The following TINAG variants were observed in gnomAD, a reference collection of about 807,000 sequenced individuals.
The protein encoded by TINAG is tubulointerstitial nephritis antigen.
TINAG carries 83 observed loss-of-function variants against 72.7 expected under a neutral mutation model. The observed-to-expected ratio is 1.14, with a 90% confidence interval of 0.96 to 1.37. The LOEUF (loss-of-function observed/expected upper bound fraction) is 1.37, where lower values mean the gene tolerates loss of function less well. Among genes scored for constraint, TINAG ranks in the 40% most tolerant of loss-of-function variants. The probability of loss-of-function intolerance (pLI) is 0.00; values close to 1 mark genes in which losing one functional copy is unlikely to be tolerated. For synonymous variants in TINAG, 234 were observed against 189.9 expected (o/e 1.23, Z -1.91); for missense variants, 685 against 576.6 (o/e 1.19, Z -1.93).
chr6:54,364,702 T>C (rs1763351838), intron 9 of TINAG, among the ~76,000 whole-genome samples: 1 of 151,418 alleles, frequency 6.6e-6, no homozygotes, highest in Non-Finnish European at 1.5e-5. Flanking sequence ...TTAAAAGCCA[T>C]AGTTTTCTAT....
intron 1 of TINAG, among the ~76,000 whole-genome samples, chr6:54,317,360 T>A (rs976874282): frequency 6.6e-6 from 1 of 152,148 alleles, no homozygotes; most frequent in African/African-American, 2.4e-5. Flanking sequence ...TCACCTGTCA[T>A]GGGAGGGACC....
At chr6:54,309,488 T>C (rs1784189326) in intron 1 of TINAG, among the ~76,000 whole-genome samples, 1 of 152,200 alleles carries the variant, frequency 6.6e-6, no homozygotes, top group Non-Finnish European at 1.5e-5. Context: ...TTTTCCAGTC[T>C]GGGACTTTTA....
At chr6:54,382,587 A>G (rs1727735856) in intron 10 of TINAG, among the ~76,000 whole-genome samples, 1 of 152,122 alleles carries the variant, frequency 6.6e-6, no homozygotes, top group South Asian at 2.1e-4. Flanking sequence ...TATAGATGAT[A>G]TAGATATTGG....
chr6:54,367,034 C>T (rs779715771), intron 9 of TINAG: 1 of 151,606 alleles, frequency 6.6e-6, no homozygotes, highest in Non-Finnish European at 1.5e-5. Context: ...GGCTTTCTTC[C>T]CTGTCTCTGA....
intron 9 of TINAG, among the ~76,000 whole-genome samples, chr6:54,363,163 G>T (rs1454168753): frequency 2.0e-5 from 3 of 151,542 alleles, no homozygotes; most frequent in Admixed American, 6.6e-5. Flanking sequence ...GATTGTATTT[G>T]CTGAATCACA....
At chr6:54,364,724 C>G (rs2150970066) in intron 9 of TINAG, among the ~76,000 whole-genome samples, 1 of 151,382 alleles carries the variant, frequency 6.6e-6, no homozygotes, top group African/African-American at 2.4e-5. Flanking sequence ...TTAGGTACCT[C>G]AATAAGTTAC....
chr6:54,366,472 A>G (rs755189584), intron 9 of TINAG, among the ~76,000 whole-genome samples: 1 of 151,496 alleles, frequency 6.6e-6, no homozygotes, highest in Non-Finnish European at 1.5e-5. Context: ...CATTTGCTTA[A>G]TTTTTCAACA....
Position 54,340,548 on chromosome 6 carries a change from A to C in TINAG, c.625-2678A>C, listed in dbSNP as rs191798314. Among the ~76,000 whole-genome samples, 45 of 152,294 alleles carry C rather than the reference A, an allele frequency of 3.0e-4. 1 individual carries two copies. Among genetic ancestry groups the C allele is most frequent in the African/African-American group, 9.9e-4 (41 of 41,574 alleles). On this transcript the variant is annotated intron_variant, in intron 4 of 10. Coordinates refer to ENST00000259782, the MANE Select transcript of TINAG (RefSeq NM_014464.4). ...GGAATACAGTAATTGTGAAATAATG[A>C]AATATAAAATTTTCTGTGGTTTTAT...
At chr6:54,332,854 A>C (rs1438195757) in intron 4 of TINAG, among the ~76,000 whole-genome samples, 3 of 152,242 alleles carry the variant, frequency 2.0e-5, no homozygotes, top group Admixed American at 1.3e-4. Flanking sequence ...CAGCCAACAA[A>C]CATATGAAGA....
chr6:54,330,652 T>G (rs1784716393), intron 4 of TINAG, among the ~76,000 whole-genome samples: 1 of 151,948 alleles, frequency 6.6e-6, no homozygotes, highest in African/African-American at 2.4e-5. Context: ...CTTCAAAACA[T>G]CAATGAATGC....
intron 4 of TINAG, among the ~76,000 whole-genome samples, chr6:54,330,943 T>A (rs190668607): frequency 1.3e-5 from 2 of 152,170 alleles, no homozygotes; most frequent in Non-Finnish European, 2.9e-5. Context: ...CAGTAACAAG[T>A]TCTGAAATTG....
chr6:54,318,085 A>G (rs1335998321), intron 1 of TINAG, among the ~76,000 whole-genome samples: 1 of 152,022 alleles, frequency 6.6e-6, no homozygotes, highest in Non-Finnish European at 1.5e-5. Context: ...AATGTCTGTC[A>G]GATGCAGTGT....
chr6:54,336,845 C>A (rs565375891), intron 4 of TINAG, among the ~76,000 whole-genome samples: 1 of 151,650 alleles, frequency 6.6e-6, no homozygotes, highest in Admixed American at 6.6e-5. Context: ...TATCAGATTG[C>A]GGTAAGTAAA....
At chr6:54,363,409 G>A (rs1040632742) in intron 9 of TINAG, among the ~76,000 whole-genome samples, 5 of 151,410 alleles carry the variant, frequency 3.3e-5, no homozygotes, top group African/African-American at 1.2e-4. Context: ...GAAGAGTTGG[G>A]AGATATGAGT....
intron 1 of TINAG, among the ~76,000 whole-genome samples, chr6:54,315,557 G>A (rs144542738): frequency 1.5e-3 from 223 of 152,082 alleles, no homozygotes; most frequent in African/African-American, 4.9e-3. Context: ...ATACACTGTA[G>A]TCCCATCTAC....
chr6:54,335,161 G>T (rs1471592975), intron 4 of TINAG, among the ~76,000 whole-genome samples: 1 of 152,080 alleles, frequency 6.6e-6, no homozygotes, highest in Non-Finnish European at 1.5e-5. Flanking sequence ...AATTTCTGCA[G>T]CTTGGAATAT....
At chr6:54,374,296 C>A (rs1359460515) in intron 9 of TINAG, among the ~76,000 whole-genome samples, 2 of 152,006 alleles carry the variant, frequency 1.3e-5, no homozygotes, top group African/African-American at 2.4e-5. Context: ...TGCTCCTCAA[C>A]CTGTGATAAA....
At chr6:54,381,982 C>T (rs1414870971) in intron 10 of TINAG, among the ~76,000 whole-genome samples, 2 of 152,038 alleles carry the variant, frequency 1.3e-5, no homozygotes, top group African/African-American at 4.8e-5. Context: ...AGATCCCTAC[C>T]TCTAGGTAGT....
rs974961142 is a variant in TINAG, at chr6:54,349,877, C to A, written c.1061C>A (p.Pro354Gln). ...KSNRIYQCSP[P>Q]YRVSSNETEI... ...AACAGGATCTATCAATGTTCTCCTC[C>A]ATACAGAGTCTCTTCCAACGTAAGT... The change falls in exon 7 of 11, where the codon CCA (proline) becomes CAA (glutamine). Residue 354 changes from proline (P) to glutamine (Q), a missense_variant. By Grantham distance (76) the Pro-to-Gln change is moderately conservative. Coordinates refer to ENST00000259782, the MANE Select transcript of TINAG (RefSeq NM_014464.4). 26 of 1,581,966 alleles carry A rather than the reference C, an allele frequency of 1.6e-5. No individual in the cohort carries two copies. Among genetic ancestry groups the A allele is most frequent in the Non-Finnish European group, 2.2e-5 (26 of 1,161,090 alleles).
Sources: gnomAD v4.1 joint callset for allele counts (sites outside exome capture counted in the v4.1 genomes callset) on GRCh38, gnomAD v4.1.1 for gene constraint, MANE v1.5 for transcripts, NCBI Gene and HGNC (gene_info 2026-07-23, HGNC 2026-07-21) for gene names.